CCDC192: variants seen among roughly 807,000 people sequenced by gnomAD.
CCDC192 encodes the protein coiled-coil domain-containing protein 192.
chr5:127,770,996 G>A (rs1313675093), intron 3 of CCDC192, among the ~76,000 whole-genome samples: 3 of 152,048 alleles, frequency 2.0e-5, no homozygotes, highest in Admixed American at 6.6e-5. Flanking sequence ...CTGGCTAGAG[G>A]GAATGACTTT....
chr5:127,717,297 T>C (rs1473236816), intron 2 of CCDC192, among the ~76,000 whole-genome samples: 5 of 152,186 alleles, frequency 3.3e-5, no homozygotes, highest in Non-Finnish European at 5.9e-5. Flanking sequence ...ATTCTTCTGC[T>C]AAAGGTAAGT....
At chr5:127,726,420 A>C (rs1752326157) in intron 2 of CCDC192, among the ~76,000 whole-genome samples, 1 of 152,106 alleles carries the variant, frequency 6.6e-6, no homozygotes, top group South Asian at 2.1e-4. Context: ...GACTTTTCCC[A>C]AGTTTTCTCC....
chr5:127,798,176 T>A lies in CCDC192; in HGVS notation c.411+14T>A. 2.5e-6 allele frequency: 1 copy of A among 398,304 alleles called. No individual in the cohort carries two copies. Among genetic ancestry groups the A allele is most frequent in the Non-Finnish European group, 4.4e-6 (1 of 225,546 alleles). The allele number at this position is 398,304 out of a possible 1,614,324, so 24.7% of individuals were successfully genotyped here. Reference sequence around the variant, plus strand: ...CTTATAGCCCAGGTAAGTGTTTTCCTCCTTTTTTCATCCCTTTATTTATGT... The same window carrying A: ...CTTATAGCCCAGGTAAGTGTTTTCCACCTTTTTTCATCCCTTTATTTATGT... On this transcript the variant is annotated intron_variant, in intron 5 of 6. Transcript: ENST00000514853.
At chr5:127,753,266 T>C (rs1225770379) in intron 2 of CCDC192, among the ~76,000 whole-genome samples, 1 of 152,230 alleles carries the variant, frequency 6.6e-6, no homozygotes, top group African/African-American at 2.4e-5. Flanking sequence ...CAACTTTTCA[T>C]ATTTCTTTCT....
At chr5:127,844,060 AC>A (rs1750420396) in intron 5 of CCDC192, among the ~76,000 whole-genome samples, 1 of 152,248 alleles carries the variant, frequency 6.6e-6, no homozygotes, top group African/African-American at 2.4e-5. Context: ...CGTAAAATAA[AC>A]AACATCATCC....
intron 6 of CCDC192, among the ~76,000 whole-genome samples, chr5:127,909,208 T>A (rs1753278781): frequency 6.6e-6 from 1 of 152,030 alleles, no homozygotes; most frequent in Admixed American, 6.6e-5. Flanking sequence ...CCCAGGTGGG[T>A]CTGGGGCCAA....
intron 5 of CCDC192, among the ~76,000 whole-genome samples, chr5:127,856,522 C>T (rs1374937579): frequency 6.6e-6 from 1 of 152,214 alleles, no homozygotes; most frequent in African/African-American, 2.4e-5. Context: ...ATTTCCTTTG[C>T]ACTCACAACT....
chr5:127,777,165 G>A (rs1183935516), intron 3 of CCDC192, among the ~76,000 whole-genome samples: 2 of 152,224 alleles, frequency 1.3e-5, no homozygotes, highest in East Asian at 3.8e-4. Flanking sequence ...CAGCCATGAG[G>A]GAGGCTGTAT....
intron 6 of CCDC192, among the ~76,000 whole-genome samples, chr5:127,925,074 A>T (rs1753827445): frequency 7.4e-6 from 1 of 134,566 alleles, no homozygotes. Flanking sequence ...TTTGCTGAGT[A>T]TTCCATCTGT....
At chr5:127,780,268 A>G (rs1466893528) in intron 3 of CCDC192, among the ~76,000 whole-genome samples, 1 of 152,142 alleles carries the variant, frequency 6.6e-6, no homozygotes, top group Non-Finnish European at 1.5e-5. Flanking sequence ...TGCTGCTATA[A>G]ACAAGCATGT....
intron 5 of CCDC192, among the ~76,000 whole-genome samples, chr5:127,804,975 G>T (rs778143443): frequency 9.9e-5 from 15 of 152,104 alleles, no homozygotes; most frequent in Non-Finnish European, 1.9e-4. Context: ...TACCTCTCCA[G>T]CCTGATTCCT....
At chr5:127,857,744 G>C (rs992148682) in intron 5 of CCDC192, 4 of 152,098 alleles carry the variant, frequency 2.6e-5, no homozygotes, top group African/African-American at 9.7e-5. Context: ...ACTCAGGCAG[G>C]GTTTCTTAGG....
At chr5:127,766,662 G>A (rs2126900201) in intron 3 of CCDC192, among the ~76,000 whole-genome samples, 1 of 139,680 alleles carries the variant, frequency 7.2e-6, no homozygotes, top group East Asian at 2.2e-4. Flanking sequence ...TCACTTACTC[G>A]AACTACCTCA....
chr5:127,705,799 G>C (rs1438244695), intron 1 of CCDC192, among the ~76,000 whole-genome samples: 1 of 152,144 alleles, frequency 6.6e-6, no homozygotes, highest in Non-Finnish European at 1.5e-5. Context: ...CTGTACAGTT[G>C]AGGGAAAACA....
intron 6 of CCDC192, among the ~76,000 whole-genome samples, chr5:127,903,187 A>G (rs1753093221): frequency 6.6e-6 from 1 of 151,312 alleles, no homozygotes; most frequent in South Asian, 2.1e-4. Flanking sequence ...CAGGATAAGA[A>G]CTCCTCTTTT....
At chr5:127,880,619 T>A (rs1752313957) in intron 6 of CCDC192, among the ~76,000 whole-genome samples, 1 of 150,606 alleles carries the variant, frequency 6.6e-6, no homozygotes, top group East Asian at 1.9e-4. Flanking sequence ...AATAAATAAA[T>A]AAAATGAAAA....
chr5:127,801,232 G>T (rs773832714), intron 5 of CCDC192, among the ~76,000 whole-genome samples: 13 of 152,124 alleles, frequency 8.5e-5, no homozygotes, highest in Non-Finnish European at 1.6e-4. Flanking sequence ...AGAGATGAGA[G>T]TTCTGAGGAT....
intron 6 of CCDC192, among the ~76,000 whole-genome samples, chr5:127,916,016 A>T (rs980810991): frequency 3.9e-5 from 6 of 152,244 alleles, no homozygotes; most frequent in Admixed American, 3.3e-4. Context: ...TTTTACTCAC[A>T]GTAGAAACTT....
intron 5 of CCDC192, among the ~76,000 whole-genome samples, chr5:127,843,852 A>T (rs1750410968): frequency 6.6e-6 from 1 of 152,240 alleles, no homozygotes; most frequent in African/African-American, 2.4e-5. Context: ...TCATGCCATC[A>T]GCTTTGATAA....
Sources: gnomAD v4.1 joint callset for allele counts (sites outside exome capture counted in the v4.1 genomes callset) on GRCh38, gnomAD v4.1.1 for gene constraint, MANE v1.5 for transcripts, NCBI Gene and HGNC (gene_info 2026-07-23, HGNC 2026-07-21) for gene names.